CSMD3: variants seen among roughly 807,000 people sequenced by gnomAD.
CSMD3 encodes the protein CUB and sushi domain-containing protein 3.
CSMD3 carries 177 observed loss-of-function variants against 435.2 expected under a neutral mutation model. The ratio of observed to expected loss-of-function variants is 0.41; its 90% CI spans 0.36 to 0.46. The LOEUF (loss-of-function observed/expected upper bound fraction) is 0.46, where lower values mean the gene tolerates loss of function less well. Ranked by LOEUF, CSMD3 falls within the 20% of genes least tolerant of loss-of-function variation. CSMD3 has a pLI of 0.34. For synonymous variants in CSMD3, 1,656 were observed against 1,520.5 expected (o/e 1.09, Z -2.07); for missense variants, 4,265 against 4,504.6 (o/e 0.95, Z 1.52).
intron 32 of CSMD3, among the ~76,000 whole-genome samples, chr8:112,437,842 C>T (rs1030184699): frequency 2.6e-5 from 4 of 152,060 alleles, no homozygotes; most frequent in Non-Finnish European, 4.4e-5. Flanking sequence ...ACATGAAAGC[C>T]CAAGAGAGCT....
At chr8:112,552,441 G>A (rs983188650) in intron 26 of CSMD3, among the ~76,000 whole-genome samples, 153 bp downstream of exon 26, 2 of 152,040 alleles carry the variant, frequency 1.3e-5, no homozygotes, top group South Asian at 2.1e-4. Context: ...AGCCGAGATC[G>A]AGCCCTGCCT....
intron 27 of CSMD3, among the ~76,000 whole-genome samples, chr8:112,535,691 C>G (rs1486699023): frequency 6.6e-6 from 1 of 151,068 alleles, no homozygotes; most frequent in Non-Finnish European, 1.5e-5. Context: ...CATATGGAAC[C>G]AAAAAAGAGC....
At chr8:113,003,097 T>C (rs963123238) in intron 6 of CSMD3, among the ~76,000 whole-genome samples, 2 of 151,910 alleles carry the variant, frequency 1.3e-5, no homozygotes, top group African/African-American at 4.8e-5. Context: ...AATACAAAAT[T>C]AGCTGGGTGT....
intron 3 of CSMD3, among the ~76,000 whole-genome samples, chr8:113,204,005 TC>T (rs966501859): frequency 6.6e-6 from 1 of 152,100 alleles, no homozygotes; most frequent in Non-Finnish European, 1.5e-5. Flanking sequence ...AACCTCTATT[TC>T]CCCCCTATAC....
chr8:113,214,029 T>C (rs762222098), intron 3 of CSMD3, among the ~76,000 whole-genome samples: 12 of 152,010 alleles, frequency 7.9e-5, no homozygotes, highest in Non-Finnish European at 1.6e-4. Flanking sequence ...CATAAGTTAC[T>C]AACAAATGCT....
At chr8:112,321,315 C>T (rs768773984) in intron 45 of CSMD3, among the ~76,000 whole-genome samples, 2 of 152,088 alleles carry the variant, frequency 1.3e-5, no homozygotes, top group Non-Finnish European at 2.9e-5. Context: ...TGTATATCCT[C>T]TAATTTCAAA....
At chr8:113,118,600 T>C (rs1368488687) in intron 4 of CSMD3, among the ~76,000 whole-genome samples, 1 of 145,790 alleles carries the variant, frequency 6.9e-6, no homozygotes, top group Non-Finnish European at 1.5e-5. Context: ...AGGTCGAGGT[T>C]GCAGTGATCT....
At chr8:112,888,489 G>A (rs901820985) in intron 10 of CSMD3, among the ~76,000 whole-genome samples, 1 of 151,580 alleles carries the variant, frequency 6.6e-6, no homozygotes, top group Non-Finnish European at 1.5e-5. Flanking sequence ...GAGCAGCAAT[G>A]GGGAACAGGT....
intron 38 of CSMD3, among the ~76,000 whole-genome samples, chr8:112,367,154 T>TA (rs1827860283): frequency 6.6e-6 from 1 of 152,068 alleles, no homozygotes; most frequent in Non-Finnish European, 1.5e-5. Flanking sequence ...ATTTAAAATA[T>TA]ATGTATATAA....
In CSMD3 at chr8:112,719,552, GAGAC is replaced by G. The variant is rs550196434; in HGVS notation, c.1973-29506_1973-29503del. On this transcript the variant is annotated intron_variant, in intron 13 of 70. Coordinates refer to ENST00000297405, the MANE Select transcript of CSMD3 (RefSeq NM_198123.2). ...TATATCCTCACATGGGAAAAAGAGAGAGACAGACGGAGATTTCACGTCTCTTCTT... is the reference window on the plus strand; with the variant it reads ...TATATCCTCACATGGGAAAAAGAGAGAGACGGAGATTTCACGTCTCTTCTT... Among the ~76,000 whole-genome samples, 314 of 152,218 alleles carry G rather than the reference GAGAC, an allele frequency of 2.1e-3. 1 individual carries two copies. The highest frequency in any genetic ancestry group is 7.3e-3 in the African/African-American group (302 of 41,534).
chr8:112,605,815 G>A (rs753452193), intron 22 of CSMD3, among the ~76,000 whole-genome samples: 6 of 152,094 alleles, frequency 3.9e-5, no homozygotes, highest in Non-Finnish European at 5.9e-5. Flanking sequence ...CTGTTTTCAC[G>A]GCTCATTTTA....
At chr8:113,408,036 T>G (rs978867166) in intron 1 of CSMD3, among the ~76,000 whole-genome samples, 12 of 152,188 alleles carry the variant, frequency 7.9e-5, no homozygotes, top group African/African-American at 2.9e-4. Flanking sequence ...GTTAAAAATT[T>G]TTTTAAACCT....
chr8:112,686,194 G>A (rs1466230221), intron 14 of CSMD3, among the ~76,000 whole-genome samples: 2 of 152,106 alleles, frequency 1.3e-5, no homozygotes, highest in African/African-American at 2.4e-5. Context: ...TTTCTATGGT[G>A]GCAATGGATG....
At chr8:112,338,640 GTTGT>G (rs146728374) in intron 42 of CSMD3, among the ~76,000 whole-genome samples, 6,054 of 152,066 alleles carry the variant, frequency 0.04, 391 homozygotes, top group African/African-American at 0.14. Context: ...AAACTATCCT[GTTGT>G]TTATTACAAT....
chr8:112,239,184 A>C (rs1309814720), intron 66 of CSMD3, among the ~76,000 whole-genome samples: 3 of 152,012 alleles, frequency 2.0e-5, no homozygotes, highest in African/African-American at 7.2e-5. Context: ...CTTTGTGTAT[A>C]AATTTGTTCT....
intron 13 of CSMD3, among the ~76,000 whole-genome samples, chr8:112,767,464 C>G (rs888424429): frequency 6.6e-6 from 1 of 151,724 alleles, no homozygotes; most frequent in Non-Finnish European, 1.5e-5. Context: ...GGCCTGGAAC[C>G]AAACCTTGGC....
At chr8:113,018,995 T>C (rs1466207318) in intron 6 of CSMD3, 72 bp downstream of exon 6, 1 of 988,268 alleles carries the variant, frequency 1.0e-6, no homozygotes, top group Non-Finnish European at 1.6e-6. Flanking sequence ...CATTTTTCTA[T>C]CACAAAACAT....
chr8:113,064,573 AAACTAAGCTAT>A, intron 5 of CSMD3, among the ~76,000 whole-genome samples: 1 of 152,178 alleles, frequency 6.6e-6, no homozygotes, highest in Admixed American at 6.5e-5. Context: ...CAGCAGGATA[AAACTAAGCTAT>A]TGAGGAAATT....
At chr8:113,266,702 T>C (rs565895118) in intron 3 of CSMD3, among the ~76,000 whole-genome samples, 1 of 151,760 alleles carries the variant, frequency 6.6e-6, no homozygotes, top group African/African-American at 2.4e-5. Context: ...AATTAAAATG[T>C]GAGAATGATT....
Sources: allele counts gnomAD v4.1 joint callset (sites outside exome capture counted in the v4.1 genomes callset), GRCh38; gene constraint gnomAD v4.1.1; transcripts MANE v1.5; gene names NCBI Gene and HGNC (gene_info 2026-07-23, HGNC 2026-07-21).